Variants in NRG1 observed in about 807,000 individuals in gnomAD.
NRG1 encodes pro-neuregulin-1, membrane-bound isoform.
In NRG1, 18 loss-of-function variants were observed where a neutral mutation model predicts 63.8. The ratio of observed to expected loss-of-function variants is 0.28; its 90% CI spans 0.19 to 0.42. The LOEUF is 0.42. NRG1 is among the 10% of genes least tolerant of loss of function. NRG1 has a pLI of 1.00. For synonymous variants in NRG1, 302 were observed against 301.3 expected (o/e 1.00, Z -0.02); for missense variants, 762 against 814.7 (o/e 0.94, Z 0.79).
intron 1 of NRG1, among the ~76,000 whole-genome samples, chr8:32,105,465 C>G (rs1585324965): frequency 6.6e-6 from 1 of 152,216 alleles, no homozygotes; most frequent in Non-Finnish European, 1.5e-5. Flanking sequence ...GACTTACTCA[C>G]TATCACAAGA....
At chr8:32,218,639 T>C (rs1845495735) in intron 1 of NRG1, among the ~76,000 whole-genome samples, 1 of 152,196 alleles carries the variant, frequency 6.6e-6, no homozygotes. Context: ...GCTTTCATAC[T>C]CTGAAATGCA....
At chr8:32,066,763 G>A (rs368396072) in intron 1 of NRG1, among the ~76,000 whole-genome samples, 2 of 152,068 alleles carry the variant, frequency 1.3e-5, no homozygotes, top group Admixed American at 6.6e-5. Flanking sequence ...CATTGAATCT[G>A]TAAATTACCT....
At chr8:31,833,192 C>A (rs904483967) in intron 1 of NRG1, among the ~76,000 whole-genome samples, 1 of 152,136 alleles carries the variant, frequency 6.6e-6, no homozygotes, top group African/African-American at 2.4e-5. Flanking sequence ...GGAGGATAGT[C>A]TTCTGTGTTT....
intron 5 of NRG1, chr8:32,646,593 A>G (rs753707532): frequency 5.6e-5 from 42 of 743,648 alleles, no homozygotes; most frequent in Admixed American, 1.3e-4. Flanking sequence ...GCTAGCATCG[A>G]TCGCTGGCTT....
intron 1 of NRG1, among the ~76,000 whole-genome samples, chr8:32,025,466 T>C (rs1374436002): frequency 1.3e-5 from 2 of 152,206 alleles, no homozygotes; most frequent in African/African-American, 4.8e-5. Flanking sequence ...CATAGTATAA[T>C]TGATATTTTA....
At chr8:32,312,738 T>G (rs1856961445) in intron 1 of NRG1, among the ~76,000 whole-genome samples, 1 of 152,058 alleles carries the variant, frequency 6.6e-6, no homozygotes, top group Admixed American at 6.5e-5. Context: ...TGTACCAACC[T>G]CCCGGGAATG....
At chr8:31,836,796 C>G (rs948180441) in intron 1 of NRG1, among the ~76,000 whole-genome samples, 3 of 151,978 alleles carry the variant, frequency 2.0e-5, no homozygotes, top group African/African-American at 7.2e-5. Flanking sequence ...AAGATAATTC[C>G]TAGAAATGAA....
chr8:32,309,981 A>G (rs1856634137), intron 1 of NRG1, among the ~76,000 whole-genome samples: 1 of 152,254 alleles, frequency 6.6e-6, no homozygotes, highest in Non-Finnish European at 1.5e-5. Context: ...ATTTTCGCCT[A>G]GATTTTGCTC....
intron 1 of NRG1, among the ~76,000 whole-genome samples, chr8:31,712,111 CT>C (rs139492273): frequency 5.9e-5 from 9 of 151,726 alleles, no homozygotes; most frequent in African/African-American, 1.9e-4. Context: ...TTTTGTTCTC[CT>C]TTTTTTAATT....
At chr8:32,179,888 A>G (rs1046028503) in intron 1 of NRG1, among the ~76,000 whole-genome samples, 3 of 151,964 alleles carry the variant, frequency 2.0e-5, no homozygotes, top group African/African-American at 7.3e-5. Context: ...ACAATTTTTA[A>G]ATCTTTTTTT....
intron 1 of NRG1, among the ~76,000 whole-genome samples, chr8:32,379,972 A>G (rs1019339066): frequency 1.3e-5 from 2 of 152,198 alleles, no homozygotes; most frequent in African/African-American, 4.8e-5. Flanking sequence ...AAGATGAAAC[A>G]AAACCTTCTT....
At position 32,010,922 on chromosome 8, in the gene NRG1, G is replaced by A. The variant is rs146775107; in HGVS notation, c.37+371491G>A. Among the ~76,000 whole-genome samples the A allele has an allele frequency of 2.4e-3, 370 of 152,140 alleles. 1 individual carries two copies. Among genetic ancestry groups the A allele is most frequent in the African/African-American group, 8.3e-3 (346 of 41,526 alleles). ...TGATACAAATCATTTGCAACTAGAAGCTGAATATTCAGCCTTGTCACAAGA... is the reference window on the plus strand; with the variant it reads ...TGATACAAATCATTTGCAACTAGAAACTGAATATTCAGCCTTGTCACAAGA... On this transcript the variant is annotated intron_variant, in intron 1 of 10. Transcript: ENST00000519301.
intron 6 of NRG1, among the ~76,000 whole-genome samples, chr8:32,730,735 G>C (rs184237735): frequency 2.6e-5 from 4 of 152,158 alleles, no homozygotes; most frequent in African/African-American, 9.6e-5. Flanking sequence ...TAGTTTGTAA[G>C]GTTTTCTCTG....
chr8:32,474,533 G>A (rs764022225), intron 1 of NRG1, among the ~76,000 whole-genome samples: 28 of 137,578 alleles, frequency 2.0e-4, no homozygotes, highest in Non-Finnish European at 2.3e-4. Flanking sequence ...TCACTCTGCC[G>A]CCAGGCTGGA....
chr8:32,187,212 ATTTTGT>A (rs1842053432), intron 1 of NRG1, among the ~76,000 whole-genome samples: 1 of 152,090 alleles, frequency 6.6e-6, no homozygotes, highest in African/African-American at 2.4e-5. Flanking sequence ...TAACATTTTT[ATTTTGT>A]TTTCATGAAG....
At chr8:32,440,496 T>G (rs71512626) in intron 1 of NRG1, among the ~76,000 whole-genome samples, 7,973 of 152,196 alleles carry the variant, frequency 0.052, 281 homozygotes, top group Middle Eastern at 0.085. Flanking sequence ...TATGAATGAT[T>G]ATTTCTGTGT....
At chr8:31,918,186 C>A (rs963618781) in intron 1 of NRG1, among the ~76,000 whole-genome samples, 3 of 152,136 alleles carry the variant, frequency 2.0e-5, no homozygotes, top group Non-Finnish European at 4.4e-5. Flanking sequence ...TAATTGAATA[C>A]CCTTTATTTC....
At position 32,363,507 on chromosome 8, in the gene NRG1, T is replaced by A. The variant is rs561561072; in HGVS notation, c.38-232321T>A. On this transcript the variant is annotated intron_variant, in intron 1 of 10. Coordinates refer to the NRG1 transcript ENST00000519301. ...TGTCACTAGTTCCAGAGTCTTTTCATAGATGGATGGGTTTTATGATAAATA... is the reference window on the plus strand; with the variant it reads ...TGTCACTAGTTCCAGAGTCTTTTCAAAGATGGATGGGTTTTATGATAAATA... Among the ~76,000 whole-genome samples, 5 of 152,320 alleles carry A rather than the reference T, an allele frequency of 3.3e-5. No homozygotes were observed. The South Asian group carries it at 1.0e-3, about 32-fold the overall frequency.
At chr8:32,292,037 A>C (rs1854264118) in intron 1 of NRG1, among the ~76,000 whole-genome samples, 1 of 152,170 alleles carries the variant, frequency 6.6e-6, no homozygotes. Context: ...CAATCAATTC[A>C]ATCCTGAGTT....
Sources: gnomAD v4.1 joint callset for allele counts (sites outside exome capture counted in the v4.1 genomes callset) on GRCh38, gnomAD v4.1.1 for gene constraint, MANE v1.5 for transcripts, NCBI Gene and HGNC (gene_info 2026-07-23, HGNC 2026-07-21) for gene names.